The following SH3GL2 variants were observed in gnomAD, a reference collection of about 807,000 sequenced individuals.
The protein encoded by SH3GL2 is SH3 domain containing GRB2 like 2, endophilin A1, also known as endophilin-A1.
A neutral mutation model predicts 46.0 loss-of-function variants in SH3GL2; 24 were observed. The observed-to-expected ratio is 0.52, with a 90% CI of 0.38 to 0.73. The LOEUF is 0.73. Ranked by LOEUF, SH3GL2 falls within the 30% of genes least tolerant of loss-of-function variation. SH3GL2 has a pLI of 0.00. For synonymous variants in SH3GL2, 196 were observed against 147.1 expected (o/e 1.33, Z -2.40); for missense variants, 413 against 424.2 (o/e 0.97, Z 0.23).
chr9:17,655,157 G>C (rs1309281186), intron 1 of SH3GL2, among the ~76,000 whole-genome samples: 1 of 152,108 alleles, frequency 6.6e-6, no homozygotes, highest in Non-Finnish European at 1.5e-5. Flanking sequence ...AAAGCTGTAA[G>C]GGAAAAAAGA....
At chr9:17,687,914 G>T (rs1050859290) in intron 1 of SH3GL2, among the ~76,000 whole-genome samples, 1 of 152,072 alleles carries the variant, frequency 6.6e-6, no homozygotes, top group Non-Finnish European at 1.5e-5. Flanking sequence ...AGCCAGTTCT[G>T]TTATGTAACA....
chr9:17,619,972 G>C (rs1172597247), intron 1 of SH3GL2, among the ~76,000 whole-genome samples: 1 of 151,970 alleles, frequency 6.6e-6, no homozygotes, highest in Non-Finnish European at 1.5e-5. Context: ...CTGTGATGTA[G>C]TATCTTGAAG....
chr9:17,787,663 G>C, intron 5 of SH3GL2, 150 bp downstream of exon 5: 1 of 615,074 alleles, frequency 1.6e-6, no homozygotes, highest in Non-Finnish European at 2.8e-6. Flanking sequence ...GACAAAATGA[G>C]AGAAACCAGA....
intron 1 of SH3GL2, among the ~76,000 whole-genome samples, chr9:17,729,411 G>A (rs1321353789): frequency 6.6e-6 from 1 of 152,082 alleles, no homozygotes; most frequent in Non-Finnish European, 1.5e-5. Context: ...CATTCCGTAG[G>A]TTGCCTGTTC....
intron 1 of SH3GL2, among the ~76,000 whole-genome samples, chr9:17,690,288 C>G (rs1399386453): frequency 6.6e-6 from 1 of 152,062 alleles, no homozygotes; most frequent in Admixed American, 6.6e-5. Context: ...TCAGCATTCC[C>G]CCGGGCGAGG....
chr9:17,604,699 G>A (rs1043638426), intron 1 of SH3GL2, among the ~76,000 whole-genome samples: 1 of 152,172 alleles, frequency 6.6e-6, no homozygotes, highest in African/African-American at 2.4e-5. Context: ...AATGACCCAG[G>A]TCAGTTTTAG....
chr9:17,700,265 A>G (rs1352518076), intron 1 of SH3GL2, among the ~76,000 whole-genome samples: 1 of 152,126 alleles, frequency 6.6e-6, no homozygotes, highest in Non-Finnish European at 1.5e-5. Flanking sequence ...TATTTATCTC[A>G]TGTTCTCTTA....
chr9:17,667,318 C>G (rs187066836), intron 1 of SH3GL2, among the ~76,000 whole-genome samples: 1 of 152,186 alleles, frequency 6.6e-6, no homozygotes, highest in East Asian at 1.9e-4. Context: ...TGTTCTAATT[C>G]TAGAGCATTT....
intron 1 of SH3GL2, among the ~76,000 whole-genome samples, chr9:17,698,325 C>T (rs891997268): frequency 1.3e-5 from 2 of 152,148 alleles, no homozygotes; most frequent in Admixed American, 6.6e-5. Flanking sequence ...GTGATTAGTG[C>T]TTTTAATATC....
chr9:17,667,190 C>T lies in SH3GL2; in HGVS notation c.46-79876C>T, dbSNP rs562513215. Among the ~76,000 whole-genome samples the T allele has an allele frequency of 2.6e-5, 4 of 152,082 alleles. No individual in the cohort carries two copies. In the South Asian group the frequency reaches 6.2e-4, roughly 24 times the overall value. ...CAGCAAATACTTTTTTCTAGCTTGTCGTGTATTCTTTTTTGATTGGGATAT... is the reference window on the plus strand; with the variant it reads ...CAGCAAATACTTTTTTCTAGCTTGTTGTGTATTCTTTTTTGATTGGGATAT... On this transcript the variant is annotated intron_variant, in intron 1 of 8. Transcript: ENST00000380607.
intron 1 of SH3GL2, among the ~76,000 whole-genome samples, chr9:17,618,280 A>G (rs1343763638): frequency 6.6e-6 from 1 of 152,150 alleles, no homozygotes; most frequent in Non-Finnish European, 1.5e-5. Context: ...ATACCTCAGT[A>G]AAGAATTATC....
At chr9:17,686,498 A>C (rs1820913997) in intron 1 of SH3GL2, among the ~76,000 whole-genome samples, 1 of 146,704 alleles carries the variant, frequency 6.8e-6, no homozygotes, top group African/African-American at 2.5e-5. Context: ...ACGTATGTTT[A>C]TTGCGGCATT....
intron 1 of SH3GL2, among the ~76,000 whole-genome samples, chr9:17,623,759 A>T (rs1280187522): frequency 6.6e-6 from 1 of 151,332 alleles, no homozygotes; most frequent in Non-Finnish European, 1.5e-5. Context: ...TATTTTTCTG[A>T]ACCATTTTGA....
intron 1 of SH3GL2, among the ~76,000 whole-genome samples, chr9:17,602,957 G>C (rs1358283425): frequency 6.6e-6 from 1 of 152,064 alleles, no homozygotes; most frequent in Non-Finnish European, 1.5e-5. Context: ...AATTTCTTTA[G>C]GTAGCATGTT....
intron 1 of SH3GL2, among the ~76,000 whole-genome samples, chr9:17,659,297 T>TG (rs1820159287): frequency 6.6e-6 from 1 of 152,162 alleles, no homozygotes; most frequent in African/African-American, 2.4e-5. Flanking sequence ...TCTGTGTTCC[T>TG]GGGAGAACTC....
At chr9:17,743,897 T>A (rs1342676329) in intron 1 of SH3GL2, among the ~76,000 whole-genome samples, 3 of 152,230 alleles carry the variant, frequency 2.0e-5, no homozygotes, top group Non-Finnish European at 2.9e-5. Context: ...TCTCTATTAA[T>A]GAAAGCATCT....
intron 1 of SH3GL2, among the ~76,000 whole-genome samples, chr9:17,742,870 CA>C (rs1169307149): frequency 2.6e-5 from 4 of 151,716 alleles, no homozygotes; most frequent in African/African-American, 9.7e-5. Context: ...TTGGATGATA[CA>C]GGGGGACATA....
chr9:17,740,841 T>C (rs1822507888), intron 1 of SH3GL2, among the ~76,000 whole-genome samples: 1 of 152,126 alleles, frequency 6.6e-6, no homozygotes, highest in Non-Finnish European at 1.5e-5. Context: ...CTCATCTAAT[T>C]CTAAAAACAG....
intron 1 of SH3GL2, among the ~76,000 whole-genome samples, chr9:17,705,984 T>G (rs1821462822): frequency 6.6e-6 from 1 of 152,016 alleles, no homozygotes. Flanking sequence ...CCAATTTGTT[T>G]TAAAAAATGT....
Sources: gnomAD v4.1 joint callset for allele counts (sites outside exome capture counted in the v4.1 genomes callset) on GRCh38, gnomAD v4.1.1 for gene constraint, MANE v1.5 for transcripts, NCBI Gene and HGNC (gene_info 2026-07-23, HGNC 2026-07-21) for gene names.